The following DLGAP4 variants were observed in gnomAD, a reference collection of about 807,000 sequenced individuals.
The protein encoded by DLGAP4 is disks large-associated protein 4.
Under a neutral mutation model 86.9 loss-of-function variants are expected in DLGAP4, and 18 were observed. The ratio of observed to expected loss-of-function variants is 0.21; its 90% CI spans 0.14 to 0.31. The LOEUF (loss-of-function observed/expected upper bound fraction) is 0.31. Among genes scored for constraint, DLGAP4 ranks in the 10% least tolerant of loss-of-function variants. The pLI is 1.00. For missense variants in DLGAP4, 1,085 were observed against 1,362.6 expected (o/e 0.80, Z 3.21); for synonymous variants, 548 against 574.3 (o/e 0.95, Z 0.65).
At position 36,526,023 on chromosome 20, in the gene DLGAP4, G is replaced by A; in HGVS notation, c.2760+17G>A. ...AAGAGGAAGGTGAGCATGGAGCAGT[G>A]CGGAGGGGAAGTCCAGGGACAAATT... On this transcript the variant is annotated intron_variant, in intron 12 of 12. Transcript: ENST00000339266. 6.2e-7 allele frequency: 1 copy of A among 1,613,806 alleles called. No individual in the cohort carries two copies. Among genetic ancestry groups the A allele is most frequent in the Non-Finnish European group, 8.5e-7 (1 of 1,180,016 alleles).
rs1555889659 is a variant in DLGAP4 at position 36,308,254 on chromosome 20, C to T, written c.-304+1742C>T. ...GTGTGGTGTCCATGGCGACCCCGTACTCACCTGCCAGAGGCCTGGTGAGGC... is the reference window on the plus strand; with the variant it reads ...GTGTGGTGTCCATGGCGACCCCGTATTCACCTGCCAGAGGCCTGGTGAGGC... On this transcript the variant is annotated intron_variant, in intron 1 of 12. Transcript: ENST00000339266. The surrounding 1 kb of genome is among the most constrained non-coding windows in gnomAD (Gnocchi z 4.5). Among the ~76,000 whole-genome samples the T allele has an allele frequency of 6.6e-6, 1 of 152,232 alleles. No individual in the cohort carries two copies. The highest frequency in any genetic ancestry group is 2.4e-5 in the African/African-American group (1 of 41,450).
chr20:36,356,406 G>C (rs2030329683), intron 1 of DLGAP4, among the ~76,000 whole-genome samples: 1 of 152,160 alleles, frequency 6.6e-6, no homozygotes, highest in Admixed American at 6.5e-5. Flanking sequence ...CCGCCTCCTG[G>C]GTTCAAGCAA....
chr20:36,343,631 C>A (rs1375869047), intron 1 of DLGAP4, among the ~76,000 whole-genome samples: 3 of 152,126 alleles, frequency 2.0e-5, no homozygotes, highest in African/African-American at 7.2e-5. Context: ...CCCCCCCCAA[C>A]CCCCCGTTGG....
intron 12 of DLGAP4, 149 bp downstream of exon 12, chr20:36,526,155 GCTTGGCA>G (rs2037744823): frequency 8.6e-7 from 1 of 1,163,690 alleles, no homozygotes; most frequent in South Asian, 1.3e-5. Flanking sequence ...TGGGGTCCAT[GCTTGGCA>G]CTTGTCTGGC....
At chr20:36,417,386 TTTTTG>T (rs1555900207) in intron 2 of DLGAP4, among the ~76,000 whole-genome samples, 18 of 151,786 alleles carry the variant, frequency 1.2e-4, no homozygotes, top group Admixed American at 1.2e-3. Flanking sequence ...TTTGTTTTTG[TTTTTG>T]TTTTTTCTGA....
chr20:36,358,027 G>A (rs1261701700), intron 1 of DLGAP4, among the ~76,000 whole-genome samples: 1 of 152,232 alleles, frequency 6.6e-6, no homozygotes, highest in Admixed American at 6.5e-5. Context: ...TGGATTCAGG[G>A]GAGCACTGGA....
At position 36,436,255 on chromosome 20, in the gene DLGAP4, C is replaced by A; in HGVS notation, c.1146C>A (p.Gly382=). The A allele has an allele frequency of 6.2e-7, 1 of 1,605,754 alleles. No individual in the cohort carries two copies. The highest frequency in any genetic ancestry group is 8.5e-7 in the Non-Finnish European group (1 of 1,179,464). Residue 382 remains glycine (G), a synonymous_variant, in exon 4 of 13, where the codon GGC becomes GGA. Coordinates refer to ENST00000339266, the MANE Select transcript of DLGAP4 (RefSeq NM_001365621.2). ...AMGDEDSDES[G]GSPKPSPKTA... ...GCGACGAGGACAGCGACGAGTCCGG[C>A]GGCAGCCCCAAGCCCTCACCCAAGA...
At chr20:36,476,705 G>GTTTT (rs35699904) in intron 7 of DLGAP4, among the ~76,000 whole-genome samples, 12 of 85,330 alleles carry the variant, frequency 1.4e-4, no homozygotes, top group Admixed American at 2.4e-4. Context: ...TTTTTTTTTG[G>GTTTT]TTTTTTTTTT....
chr20:36,456,979 T>G (rs2033894683), intron 7 of DLGAP4, among the ~76,000 whole-genome samples: 4 of 152,244 alleles, frequency 2.6e-5, no homozygotes, highest in Admixed American at 2.6e-4. Flanking sequence ...TCAAGTGCTC[T>G]GGGCCAGGCT....
intron 2 of DLGAP4, among the ~76,000 whole-genome samples, chr20:36,396,642 CCA>C (rs59836413): frequency 3.8e-5 from 3 of 78,160 alleles, no homozygotes; most frequent in Non-Finnish European, 1.1e-4. Context: ...CACGCACACA[CCA>C]CACACACACA....
chr20:36,473,894 C>G (rs1186165438), intron 7 of DLGAP4, among the ~76,000 whole-genome samples: 1 of 152,178 alleles, frequency 6.6e-6, no homozygotes, highest in East Asian at 1.9e-4. Context: ...TCATATGTAC[C>G]TATAGTTAAG....
chr20:36,446,661 T>C (rs1347963157), intron 6 of DLGAP4, 36 bp from the exon 7 acceptor site: 1 of 1,566,298 alleles, frequency 6.4e-7, no homozygotes, highest in South Asian at 1.2e-5. Context: ...ATGGGCAAGA[T>C]AGCCAGCTCC....
chr20:36,345,663 A>G (rs2029914347), intron 1 of DLGAP4, among the ~76,000 whole-genome samples: 1 of 152,202 alleles, frequency 6.6e-6, no homozygotes, highest in African/African-American at 2.4e-5. Context: ...GTGGGTGCCC[A>G]GGACGTATTT....
At chr20:36,383,896 A>G (rs959171150) in intron 2 of DLGAP4, among the ~76,000 whole-genome samples, 4 of 151,082 alleles carry the variant, frequency 2.6e-5, no homozygotes, top group African/African-American at 9.8e-5. Context: ...AATGGCGTGA[A>G]CCCGGGAGGC....
intron 2 of DLGAP4, among the ~76,000 whole-genome samples, chr20:36,377,890 G>T (rs950353082): frequency 9.8e-5 from 15 of 152,338 alleles, no homozygotes; most frequent in African/African-American, 3.1e-4. Flanking sequence ...GATAAATTTG[G>T]CCCAGGCTTT....
chr20:36,360,924 G>T (rs1399487484), intron 1 of DLGAP4, among the ~76,000 whole-genome samples: 1 of 152,056 alleles, frequency 6.6e-6, no homozygotes, highest in Non-Finnish European at 1.5e-5. Context: ...TCAGGAGGCC[G>T]CTGGGGAGAT....
chr20:36,455,366 A>C (rs545770509), intron 7 of DLGAP4, among the ~76,000 whole-genome samples: 49 of 152,006 alleles, frequency 3.2e-4, no homozygotes, highest in East Asian at 2.7e-3. Context: ...AATCACAGGG[A>C]GGCTGTGATG....
intron 7 of DLGAP4, among the ~76,000 whole-genome samples, chr20:36,484,741 G>A (rs1311720147): frequency 6.6e-6 from 1 of 152,270 alleles, no homozygotes; most frequent in African/African-American, 2.4e-5. Context: ...GTCTTCCTGG[G>A]GAGCAAGGGA....
At chr20:36,417,362 G>GTTTTGT (rs150421933) in intron 2 of DLGAP4, among the ~76,000 whole-genome samples, 5,951 of 149,502 alleles carry the variant, frequency 0.04, 159 homozygotes, top group Non-Finnish European at 0.055. Flanking sequence ...TGGAGTTTGA[G>GTTTTGT]TTTTGTTTTT....
Sources: allele counts gnomAD v4.1 joint callset (sites outside exome capture counted in the v4.1 genomes callset), GRCh38; gene constraint gnomAD v4.1.1; non-coding constraint Gnocchi (gnomAD v3.1); transcripts MANE v1.5; gene names NCBI Gene and HGNC (gene_info 2026-07-23, HGNC 2026-07-21).